Variants in SLC24A2 observed in about 807,000 individuals in gnomAD.
SLC24A2 encodes the protein solute carrier family 24 member 2.
Under a neutral mutation model 62.0 loss-of-function variants are expected in SLC24A2, and 36 were observed. The observed-to-expected ratio is 0.58, with a 90% CI of 0.44 to 0.77. SLC24A2 has a LOEUF of 0.77. SLC24A2 is among the 30% of genes least tolerant of loss of function. SLC24A2 has a pLI of 0.00. For synonymous variants in SLC24A2, 358 were observed against 294.0 expected (o/e 1.22, Z -2.23); for missense variants, 846 against 817.9 (o/e 1.03, Z -0.42).
chr9:19,704,839 G>C (rs1035223632), intron 2 of SLC24A2, among the ~76,000 whole-genome samples: 5 of 150,610 alleles, frequency 3.3e-5, no homozygotes, highest in African/African-American at 1.2e-4. Flanking sequence ...TAAAGCTCCA[G>C]GAGCATAGAC....
intron 2 of SLC24A2, among the ~76,000 whole-genome samples, chr9:19,655,029 A>C (rs1818906418): frequency 6.6e-6 from 1 of 152,234 alleles, no homozygotes; most frequent in African/African-American, 2.4e-5. Context: ...GACTCATATT[A>C]GTTTCTTGTA....
At chr9:19,722,330 GTTAA>G (rs1463208914) in intron 2 of SLC24A2, among the ~76,000 whole-genome samples, 3 of 152,092 alleles carry the variant, frequency 2.0e-5, no homozygotes, top group Admixed American at 6.6e-5. Flanking sequence ...CTTCATAGCT[GTTAA>G]TTGAGCTGAA....
the SLC24A2 span, among the ~76,000 whole-genome samples, chr9:20,273,044 C>G: frequency 6.6e-6 from 1 of 152,320 alleles, no homozygotes; most frequent in South Asian, 2.1e-4. Context: ...GATCTACCGT[C>G]AGTGACTTCC....
chr9:19,707,885 G>C (rs1281935088), intron 2 of SLC24A2, among the ~76,000 whole-genome samples: 1 of 152,108 alleles, frequency 6.6e-6, no homozygotes. Flanking sequence ...ATTCAACATA[G>C]TGTTGGAAGT....
chr9:19,791,555 C>T (rs368786541), upstream of SLC24A2, among the ~76,000 whole-genome samples: 1 of 152,208 alleles, frequency 6.6e-6, no homozygotes, highest in Non-Finnish European at 1.5e-5. Context: ...TGACCAAGAA[C>T]TTGGCAATTA....
the SLC24A2 span, among the ~76,000 whole-genome samples, chr9:20,168,181 G>A: frequency 6.6e-6 from 1 of 152,102 alleles, no homozygotes; most frequent in East Asian, 1.9e-4. Flanking sequence ...GATAGTTATA[G>A]AGGATTGAAA....
At chr9:19,664,790 G>A (rs1180585420) in intron 2 of SLC24A2, among the ~76,000 whole-genome samples, 1 of 152,130 alleles carries the variant, frequency 6.6e-6, no homozygotes, top group South Asian at 2.1e-4. Context: ...TGATACAGCT[G>A]CAAGCCAAGG....
the SLC24A2 span, among the ~76,000 whole-genome samples, chr9:20,141,190 T>C: frequency 6.6e-6 from 1 of 152,132 alleles, no homozygotes; most frequent in African/African-American, 2.4e-5. Context: ...CTGGTATAAT[T>C]AAGAATGAAT....
the SLC24A2 span, among the ~76,000 whole-genome samples, chr9:20,151,348 T>C: frequency 6.6e-6 from 1 of 151,954 alleles, no homozygotes; most frequent in Non-Finnish European, 1.5e-5. Context: ...CCCACTATAA[T>C]GCCGACTTCC....
chr9:20,079,390 T>C, the SLC24A2 span, among the ~76,000 whole-genome samples: 1 of 152,224 alleles, frequency 6.6e-6, no homozygotes, highest in Admixed American at 6.5e-5. Flanking sequence ...GTTTTTTGCA[T>C]TACTTTTCTT....
intron 4 of SLC24A2, among the ~76,000 whole-genome samples, chr9:19,612,587 G>A (rs562831689): frequency 2.0e-5 from 3 of 152,160 alleles, no homozygotes; most frequent in South Asian, 4.1e-4. Flanking sequence ...ATCATCCAAG[G>A]TCACACACCT....
the SLC24A2 span, among the ~76,000 whole-genome samples, chr9:20,026,749 C>T: frequency 2.6e-5 from 4 of 152,042 alleles, no homozygotes; most frequent in Admixed American, 6.5e-5. Flanking sequence ...GGAAAAGCTC[C>T]GTGACATTGG....
the SLC24A2 span, among the ~76,000 whole-genome samples, chr9:19,977,327 A>G: frequency 1.3e-5 from 2 of 152,324 alleles, no homozygotes; most frequent in Middle Eastern, 6.8e-3. Context: ...AATACTCACA[A>G]CTGAAGTGCG....
At chr9:20,134,209 G>C in the SLC24A2 span, among the ~76,000 whole-genome samples, 1 of 152,166 alleles carries the variant, frequency 6.6e-6, no homozygotes, top group African/African-American at 2.4e-5. Context: ...ACCATGATTT[G>C]AGAAGCAATG....
chr9:19,692,501 G>T (rs1021474646), intron 2 of SLC24A2, among the ~76,000 whole-genome samples: 1 of 152,036 alleles, frequency 6.6e-6, no homozygotes, highest in Admixed American at 6.6e-5. Context: ...TTCATGTTTA[G>T]CTTCACTGTG....
intron 4 of SLC24A2, among the ~76,000 whole-genome samples, chr9:19,614,699 G>T (rs182037171): frequency 1.3e-3 from 195 of 152,008 alleles, no homozygotes; most frequent in African/African-American, 4.5e-3. Context: ...TTCCTGGAAG[G>T]TTTGCTCTTG....
the SLC24A2 span, among the ~76,000 whole-genome samples, chr9:20,079,939 A>G: frequency 1.3e-5 from 2 of 152,194 alleles, no homozygotes; most frequent in African/African-American, 4.8e-5. Flanking sequence ...GGACCTCTTC[A>G]AGGAGAATTA....
At chr9:20,126,944 A>G in the SLC24A2 span, among the ~76,000 whole-genome samples, 1 of 152,130 alleles carries the variant, frequency 6.6e-6, no homozygotes, top group Non-Finnish European at 1.5e-5. Context: ...TACTTACATA[A>G]CAGAGGGAAT....
chr9:19,899,533 C>T, the SLC24A2 span, among the ~76,000 whole-genome samples: 2 of 152,148 alleles, frequency 1.3e-5, no homozygotes, highest in African/African-American at 2.4e-5. Flanking sequence ...CAGTTACCCT[C>T]ACATCATGAA....
Sources: allele counts gnomAD v4.1 joint callset (sites outside exome capture counted in the v4.1 genomes callset), GRCh38; gene constraint gnomAD v4.1.1; transcripts MANE v1.5; gene names NCBI Gene and HGNC (gene_info 2026-07-23, HGNC 2026-07-21).